BTD: variants seen among roughly 807,000 people sequenced by gnomAD.
BTD encodes the protein biotinidase.
Under a neutral mutation model 17.7 loss-of-function variants are expected in BTD, and 13 were observed. The ratio of observed to expected loss-of-function variants is 0.74; its 90% CI spans 0.48 to 1.17. The LOEUF (loss-of-function observed/expected upper bound fraction) is 1.17, where lower values mean the gene tolerates loss of function less well. Among genes scored for constraint, BTD ranks in the 50% most tolerant of loss-of-function variants. The probability of loss-of-function intolerance (pLI) is 0.00; values close to 1 mark genes in which losing one functional copy is unlikely to be tolerated. For missense variants in BTD, 674 were observed against 650.4 expected, an observed-to-expected ratio of 1.04 and a Z score of -0.39; for synonymous variants, 240 against 245.2, an observed-to-expected ratio of 0.98 and a Z score of 0.20.
At chr3:15,670,437 C>T (rs751512636) in intron 3 of BTD, 18 of 1,613,912 alleles carry the variant, frequency 1.1e-5, no homozygotes, top group Non-Finnish European at 1.5e-5. Context: ...CGGTTAATGG[C>T]ATTGAATGTT....
rs773278497 is a variant in BTD, at chr3:15,652,339, T to TA, written c.*6852dup. ...ACACTCCGTCTCCAAAAAAAAAAGATACTGCAGCTTCTATCTTGGTTGCTC... is the reference window on the plus strand; with the variant it reads ...ACACTCCGTCTCCAAAAAAAAAAGATAACTGCAGCTTCTATCTTGGTTGCTC... On this transcript the variant is annotated 3_prime_UTR_variant, in exon 4 of 4. Coordinates refer to ENST00000643237, the MANE Select transcript of BTD (RefSeq NM_001370658.1). 6.6e-6 allele frequency among the ~76,000 whole-genome samples: 1 copy of TA among 152,072 alleles called. No homozygotes were observed. The highest frequency in any genetic ancestry group is 1.5e-5 in the Non-Finnish European group (1 of 67,972).
At chr3:15,703,758 G>C (rs999104154) in intron 3 of BTD, among the ~76,000 whole-genome samples, 10 of 152,202 alleles carry the variant, frequency 6.6e-5, no homozygotes, top group African/African-American at 2.4e-4. Context: ...AAGAGGTTTT[G>C]GAACTGGGTA....
chr3:15,701,892 AGTCT>A (rs2070685825), intron 3 of BTD, among the ~76,000 whole-genome samples: 2 of 152,290 alleles, frequency 1.3e-5, no homozygotes, highest in South Asian at 4.1e-4. Context: ...AAAGCCTGCA[AGTCT>A]GTAGGAATAC....
At chr3:15,604,515 C>G (rs2064384724) in intron 1 of BTD, among the ~76,000 whole-genome samples, 1 of 152,190 alleles carries the variant, frequency 6.6e-6, no homozygotes, top group Non-Finnish European at 1.5e-5. Flanking sequence ...CTCTGACATG[C>G]CCTGGAGACA....
intron 3 of BTD, among the ~76,000 whole-genome samples, chr3:15,707,720 G>GT (rs1417062711): frequency 6.6e-6 from 1 of 152,208 alleles, no homozygotes; most frequent in Non-Finnish European, 1.5e-5. Flanking sequence ...AGATCAGCTA[G>GT]TAAGGCTGGT....
At chr3:15,689,976 TGGATA>T (rs1228930180) in intron 3 of BTD, 1 of 1,462,672 alleles carries the variant, frequency 6.8e-7, no homozygotes, top group African/African-American at 1.4e-5. Context: ...AAAAAAGTAT[TGGATA>T]GAAGTTATAA....
chr3:15,716,497 T>C (rs987216747), downstream of BTD, among the ~76,000 whole-genome samples: 1 of 152,044 alleles, frequency 6.6e-6, no homozygotes, highest in Non-Finnish European at 1.5e-5. Context: ...TTGCCCAGGC[T>C]GGTTTTGAAC....
At chr3:15,689,931 A>G in intron 3 of BTD, 1 of 1,251,678 alleles carries the variant, frequency 8.0e-7, no homozygotes. Flanking sequence ...AATTTTAAAG[A>G]CAATTAACTG....
Position 15,646,335 on chromosome 3 carries a change from T to A in BTD, c.*847T>A, listed in dbSNP as rs9647358. 0.17 allele frequency: 25,787 copies of A among 152,224 alleles called. 2,734 individuals carry two copies. Among genetic ancestry groups the A allele is most frequent in the Non-Finnish European group, 0.23 (15,830 of 68,006 alleles). The allele number at this position is 152,224 out of a possible 1,614,324, so 9.4% of individuals were successfully genotyped here. A position where few individuals can be genotyped will look rare whatever the true frequency, so the allele number is the denominator to read the frequency against. ...GCAAGAGTTGGGCACGTTGCCCGAC[T>A]GTGCAGGATGGATTGATGCTGGTAT... On this transcript the variant is annotated 3_prime_UTR_variant, in exon 4 of 4. Transcript: ENST00000643237.
intron 3 of BTD, chr3:15,685,406 GAAGT>G: frequency 6.2e-7 from 1 of 1,613,966 alleles, no homozygotes; most frequent in Non-Finnish European, 8.5e-7. Context: ...GCACCATGTT[GAAGT>G]AATGCATCTA....
chr3:15,606,026 GA>G (rs377401263), intron 1 of BTD, among the ~76,000 whole-genome samples: 34,912 of 128,680 alleles, frequency 0.27, 4,655 homozygotes, highest in Middle Eastern at 0.36. Flanking sequence ...CTGGGTGACA[GA>G]GCGAGACCCT....
At chr3:15,627,775 G>A (rs567212181) in intron 1 of BTD, among the ~76,000 whole-genome samples, 7 of 152,332 alleles carry the variant, frequency 4.6e-5, no homozygotes, top group Admixed American at 1.3e-4. Flanking sequence ...AGGCTGGAGT[G>A]CAATGGCACG....
chr3:15,714,442 T>C, downstream of BTD: 2 of 652,290 alleles, frequency 3.1e-6, no homozygotes, highest in Non-Finnish European at 5.1e-6. Context: ...TTTATTTTCA[T>C]GAGCTCTGAA....
At chr3:15,663,653 G>A (rs945352230) in intron 3 of BTD, among the ~76,000 whole-genome samples, 6 of 152,020 alleles carry the variant, frequency 3.9e-5, no homozygotes, top group African/African-American at 1.2e-4. Context: ...TATGGGCTCT[G>A]CTCTGTATTG....
intron 1 of BTD, chr3:15,602,258 C>T (rs1480942271): frequency 1.6e-6 from 2 of 1,263,588 alleles, no homozygotes; most frequent in East Asian, 7.2e-5. Context: ...AATCCTGTTT[C>T]CTACCCACTA....
chr3:15,635,236 A>T lies in BTD; in HGVS notation c.-16-188A>T, dbSNP rs1375915261. 6.6e-6 allele frequency among the ~76,000 whole-genome samples: 1 copy of T among 152,252 alleles called. No homozygotes were observed. Among genetic ancestry groups the T allele is most frequent in the Non-Finnish European group, 1.5e-5 (1 of 68,034 alleles). ...CTATTAACACAGTGAGCCATTTTAA[A>T]TGTGGCTTGCTACGTGTTTGGAGAG... On this transcript the variant is annotated intron_variant, in intron 1 of 3. Coordinates refer to ENST00000643237, the MANE Select transcript of BTD (RefSeq NM_001370658.1). The surrounding 1 kb of genome is among the most constrained non-coding windows in gnomAD (Gnocchi z 4.1).
chr3:15,623,664 G>A (rs1321324067), intron 1 of BTD, among the ~76,000 whole-genome samples: 3 of 152,180 alleles, frequency 2.0e-5, no homozygotes, highest in African/African-American at 4.8e-5. Flanking sequence ...GGCCTGGTGG[G>A]AGGTGATTGG....
chr3:15,706,424 CT>C (rs1040984121), intron 3 of BTD, among the ~76,000 whole-genome samples: 9 of 141,512 alleles, frequency 6.4e-5, no homozygotes, highest in Admixed American at 2.2e-4. Flanking sequence ...TAAACTCCTC[CT>C]TTTTTATGGC....
intron 3 of BTD, among the ~76,000 whole-genome samples, chr3:15,663,507 G>T (rs2065946722): frequency 6.6e-6 from 1 of 152,122 alleles, no homozygotes; most frequent in African/African-American, 2.4e-5. Context: ...TTCTCTAATA[G>T]ATATAGGTCC....
Sources: allele counts gnomAD v4.1 joint callset (sites outside exome capture counted in the v4.1 genomes callset), GRCh38; gene constraint gnomAD v4.1.1; non-coding constraint Gnocchi (gnomAD v3.1); transcripts MANE v1.5; gene names NCBI Gene and HGNC (gene_info 2026-07-23, HGNC 2026-07-21).